Variants in SLC22A16 observed in about 807,000 individuals in gnomAD.
The protein encoded by SLC22A16 is WUGSC:RG331P03.1.
A neutral mutation model predicts 52.9 loss-of-function variants in SLC22A16; 53 were observed. That is an observed-to-expected ratio of 1.00 (90% CI 0.80 to 1.26). SLC22A16 has a LOEUF of 1.26. Ranked by LOEUF, SLC22A16 falls within the 50% of genes most tolerant of loss-of-function variation. The pLI is 0.00. For missense variants in SLC22A16, 726 were observed against 704.0 expected (o/e 1.03, Z -0.35); for synonymous variants, 291 against 268.8 (o/e 1.08, Z -0.81).
intron 1 of SLC22A16, among the ~76,000 whole-genome samples, chr6:110,464,344 G>A (rs908936654): frequency 2.6e-5 from 4 of 151,790 alleles, no homozygotes; most frequent in African/African-American, 9.7e-5. Context: ...ATCATACAAA[G>A]GATCAACAAA....
In SLC22A16 at chr6:110,442,636, A is replaced by G; in HGVS notation, c.791T>C (p.Val264Ala). The stretch of plus-strand genomic sequence containing the variant: ...CATCTGGTAAAGCCACCAGGTCCTG[A>G]CCAAGTATCCTGTCAAAGCCACCAG... Reference protein sequence around the residue: ...TLLVALTGYLVRTWWLYQMIL... With the variant: ...TLLVALTGYLARTWWLYQMIL... The change falls in exon 4 of 8, where the codon GTC becomes GCC. Residue 264 changes from valine to alanine, a missense_variant. By Grantham distance (64) the Val-to-Ala change is moderately conservative. Coordinates refer to ENST00000368919, the MANE Select transcript of SLC22A16 (RefSeq NM_033125.4). 6.2e-7 allele frequency: 1 copy of G among 1,614,196 alleles called. No homozygotes were observed. Among genetic ancestry groups the G allele is most frequent in the South Asian group, 1.1e-5 (1 of 91,072 alleles).
chr6:110,453,538 A>T lies in SLC22A16; in HGVS notation c.533+3000T>A, dbSNP rs143466705. ...AACTTCATTACTTACTTCGTTAGCA[A>T]GCAGTAGGGCAGCAGCATCTTTGTC... On this transcript the variant is annotated intron_variant, in intron 2 of 7. Transcript: ENST00000368919. The T allele has an allele frequency of 2.4e-3, 1,061 of 439,994 alleles. 2 individuals are homozygous for T. The highest frequency in any genetic ancestry group is 0.017 in the African/African-American group (822 of 49,408). The allele number at this position is 439,994 out of a possible 1,614,324, so 27.3% of individuals were successfully genotyped here. A position where few individuals can be genotyped will look rare whatever the true frequency, so the allele number is the denominator to read the frequency against.
intron 3 of SLC22A16, among the ~76,000 whole-genome samples, chr6:110,446,518 A>C (rs922506922): frequency 5.9e-5 from 9 of 152,156 alleles, no homozygotes; most frequent in Admixed American, 2.0e-4. Flanking sequence ...CCTGTACATT[A>C]TACAAGTGAC....
In SLC22A16 at chr6:110,442,373, T is replaced by G; in HGVS notation, c.1054A>C (p.Asn352His). ...QKHNLSYLFY[N>H]WSITKRTLTV... ...AGTGTCCTTTTCGTAATGCTCCAGTTATAAAACAGATATGATAGGTTGTGC... is the reference window on the plus strand; with the variant it reads ...AGTGTCCTTTTCGTAATGCTCCAGTGATAAAACAGATATGATAGGTTGTGC... The change falls in exon 4 of 8, where the codon AAC (asparagine) becomes CAC (histidine). Residue 352 changes from asparagine to histidine, a missense_variant. Asn to His is a moderately conservative substitution (Grantham distance 68). Coordinates refer to ENST00000368919, the MANE Select transcript of SLC22A16 (RefSeq NM_033125.4). 6.2e-7 allele frequency: 1 copy of G among 1,614,218 alleles called. No individual in the cohort carries two copies.
chr6:110,437,521 G>C (rs1288659230), intron 5 of SLC22A16, among the ~76,000 whole-genome samples: 2 of 152,068 alleles, frequency 1.3e-5, no homozygotes, highest in African/African-American at 4.8e-5. Flanking sequence ...AAAATATTTG[G>C]CTCACCGATC....
intron 4 of SLC22A16, chr6:110,440,078 A>C (rs1036968705): frequency 6.6e-6 from 1 of 152,246 alleles, no homozygotes; most frequent in South Asian, 2.1e-4. Context: ...AGATCTGATC[A>C]GCACAGGAAT....
chr6:110,452,051 T>C (rs929728411), intron 2 of SLC22A16, among the ~76,000 whole-genome samples: 1 of 152,212 alleles, frequency 6.6e-6, no homozygotes, highest in Non-Finnish European at 1.5e-5. Context: ...TGCCTATGTG[T>C]CTATACTTAT....
At chr6:110,459,975 A>G (rs928013599) in intron 1 of SLC22A16, among the ~76,000 whole-genome samples, 3 of 152,208 alleles carry the variant, frequency 2.0e-5, no homozygotes, top group Non-Finnish European at 4.4e-5. Context: ...TAAGAGGCAT[A>G]GCAGACCTTT....
intron 1 of SLC22A16, among the ~76,000 whole-genome samples, chr6:110,471,638 C>T (rs114405774): frequency 0.011 from 1,686 of 152,250 alleles, 32 homozygotes; most frequent in African/African-American, 0.039. Context: ...TGCCTTTTAC[C>T]CCACTTATGT....
At chr6:110,450,647 A>C (rs945332374) in intron 2 of SLC22A16, among the ~76,000 whole-genome samples, 1 of 150,294 alleles carries the variant, frequency 6.7e-6, no homozygotes, top group African/African-American at 2.4e-5. Context: ...CATTTACTAC[A>C]TTTCATTGAA....
intron 7 of SLC22A16, chr6:110,425,307 A>G (rs1362842484): frequency 6.7e-7 from 1 of 1,481,818 alleles, no homozygotes; most frequent in African/African-American, 1.4e-5. Flanking sequence ...TCATTCCTTC[A>G]TGACCCACCA....
At chr6:110,436,163 G>A (rs1774720878) in intron 5 of SLC22A16, among the ~76,000 whole-genome samples, 1 of 152,168 alleles carries the variant, frequency 6.6e-6, no homozygotes, top group Admixed American at 6.5e-5. Flanking sequence ...GTGGAGGAAA[G>A]TTTCAGTGTG....
intron 1 of SLC22A16, among the ~76,000 whole-genome samples, chr6:110,460,797 T>G (rs752339320): frequency 4.6e-5 from 7 of 152,090 alleles, no homozygotes; most frequent in Non-Finnish European, 1.0e-4. Context: ...TTGGCAACCA[T>G]GGGGGACCAG....
At chr6:110,447,820 T>C (rs970291211) in intron 2 of SLC22A16, among the ~76,000 whole-genome samples, 5 of 152,266 alleles carry the variant, frequency 3.3e-5, no homozygotes, top group African/African-American at 1.2e-4. Flanking sequence ...TTCTTCTGCG[T>C]TGTAGCATGT....
intron 5 of SLC22A16, among the ~76,000 whole-genome samples, chr6:110,437,513 A>C (rs1289157373): frequency 6.6e-6 from 1 of 152,200 alleles, no homozygotes; most frequent in African/African-American, 2.4e-5. Context: ...CATTACATAA[A>C]ATATTTGGCT....
chr6:110,473,459 T>C (rs1459201101), intron 1 of SLC22A16, among the ~76,000 whole-genome samples: 1 of 145,086 alleles, frequency 6.9e-6, no homozygotes, highest in Admixed American at 7.0e-5. Context: ...CCTGGAATGG[T>C]ATTTTAGTTC....
In SLC22A16 at chr6:110,456,776, A is replaced by T; in HGVS notation, c.295T>A (p.Ser99Thr). The change falls in exon 2 of 8, where the codon TCA (serine) becomes ACA (threonine). Residue 99 changes from serine to threonine, a missense_variant. Transcript: ENST00000368919. ...QLQNGEIWEL[S>T]RCSRNKRENT... is the part of the protein sequence containing the mutation. Reference sequence around the variant, plus strand: ...TCCCTCTTATTCCTGCTACACCTTGAGAGCTCCCAGATCTCACCATTCTGC... The same window carrying T: ...TCCCTCTTATTCCTGCTACACCTTGTGAGCTCCCAGATCTCACCATTCTGC... 6.2e-7 allele frequency: 1 copy of T among 1,614,164 alleles called. No individual in the cohort carries two copies. Among genetic ancestry groups the T allele is most frequent in the Non-Finnish European group, 8.5e-7 (1 of 1,180,024 alleles).
intron 1 of SLC22A16, among the ~76,000 whole-genome samples, chr6:110,465,940 CA>C (rs1436157359): frequency 7.2e-5 from 11 of 152,048 alleles, no homozygotes; most frequent in African/African-American, 2.7e-4. Context: ...CAAATCGACA[CA>C]CAAGCCAATG....
At chr6:110,429,516 A>G (rs1407404883) in intron 7 of SLC22A16, among the ~76,000 whole-genome samples, 1 of 152,232 alleles carries the variant, frequency 6.6e-6, no homozygotes, top group Non-Finnish European at 1.5e-5. Flanking sequence ...GACTTCACTG[A>G]TATTATTGTT....
Sources: gnomAD v4.1 joint callset for allele counts (sites outside exome capture counted in the v4.1 genomes callset) on GRCh38, gnomAD v4.1.1 for gene constraint, MANE v1.5 for transcripts, NCBI Gene and HGNC (gene_info 2026-07-23, HGNC 2026-07-21) for gene names.